The following ANKS1B variants were observed in gnomAD, a reference collection of about 807,000 sequenced individuals.
ANKS1B encodes the protein ankyrin repeat and sterile alpha motif domain-containing protein 1B.
In ANKS1B, 36 loss-of-function variants were observed where a neutral mutation model predicts 148.3. The ratio of observed to expected loss-of-function variants is 0.24; its 90% CI spans 0.19 to 0.32. ANKS1B has a LOEUF of 0.32. Among genes scored for constraint, ANKS1B ranks in the 10% least tolerant of loss-of-function variants. The pLI is 1.00. For missense variants in ANKS1B, 1,157 were observed against 1,542.6 expected, an observed-to-expected ratio of 0.75 and a Z score of 4.19; for synonymous variants, 542 against 560.8, an observed-to-expected ratio of 0.97 and a Z score of 0.47.
chr12:98,974,987 A>T (rs74999867), intron 17 of ANKS1B, among the ~76,000 whole-genome samples: 16,853 of 107,628 alleles, frequency 0.16, 2,234 homozygotes, highest in African/African-American at 0.38. Flanking sequence ...CCTCTCTCCT[A>T]CCCTTCTTCC....
At chr12:99,951,480 G>A (rs1270326396) in intron 1 of ANKS1B, among the ~76,000 whole-genome samples, 4 of 152,174 alleles carry the variant, frequency 2.6e-5, no homozygotes, top group African/African-American at 7.2e-5. Flanking sequence ...AGTCAGTCAG[G>A]CAGTTCTGCT....
At chr12:99,366,267 G>T (rs555526137) in intron 12 of ANKS1B, among the ~76,000 whole-genome samples, 2 of 152,180 alleles carry the variant, frequency 1.3e-5, no homozygotes, top group South Asian at 4.1e-4. Flanking sequence ...CTTTTTTATG[G>T]TTCCATTATT....
chr12:98,793,127 T>A (rs2098903232), intron 22 of ANKS1B, among the ~76,000 whole-genome samples: 1 of 152,232 alleles, frequency 6.6e-6, no homozygotes, highest in African/African-American at 2.4e-5. Flanking sequence ...CCAACATTTG[T>A]TATCTTTTGT....
At chr12:99,824,401 G>C (rs1481591881) in intron 2 of ANKS1B, among the ~76,000 whole-genome samples, 1 of 152,052 alleles carries the variant, frequency 6.6e-6, no homozygotes, top group African/African-American at 2.4e-5. Flanking sequence ...TCAGGAGGCA[G>C]AGGCAGGAGA....
intron 1 of ANKS1B, among the ~76,000 whole-genome samples, chr12:99,930,081 C>T (rs2094574597): frequency 6.6e-6 from 1 of 151,770 alleles, no homozygotes; most frequent in African/African-American, 2.4e-5. Context: ...CTATAAATTA[C>T]CTGGGGCCGT....
At chr12:98,740,699 C>T (rs558169380), downstream of ANKS1B, among the ~76,000 whole-genome samples, 1 of 152,334 alleles carries the variant, frequency 6.6e-6, no homozygotes, top group African/African-American at 2.4e-5. Context: ...CACTAACAAC[C>T]CCTGCATTGT....
chr12:98,809,561 C>T (rs868099180), intron 19 of ANKS1B, among the ~76,000 whole-genome samples: 1 of 152,112 alleles, frequency 6.6e-6, no homozygotes, highest in Non-Finnish European at 1.5e-5. Context: ...GGTGAAGTGG[C>T]TTGCTCAGGT....
chr12:99,836,301 A>T (rs960896809), intron 1 of ANKS1B, among the ~76,000 whole-genome samples: 1 of 152,098 alleles, frequency 6.6e-6, no homozygotes, highest in African/African-American at 2.4e-5. Context: ...AGTCACAAAC[A>T]ATTTCTTAAA....
At chr12:99,593,140 G>T (rs2097720487) in intron 9 of ANKS1B, among the ~76,000 whole-genome samples, 1 of 151,984 alleles carries the variant, frequency 6.6e-6, no homozygotes, top group African/African-American at 2.4e-5. Context: ...AGTATAATGA[G>T]GCACGTCCAT....
intron 10 of ANKS1B, among the ~76,000 whole-genome samples, chr12:99,477,766 GA>G (rs2096349391): frequency 6.6e-6 from 1 of 152,102 alleles, no homozygotes; most frequent in African/African-American, 2.4e-5. Flanking sequence ...TTTTGAGAGT[GA>G]AAAGGAGTGC....
intron 1 of ANKS1B, among the ~76,000 whole-genome samples, chr12:99,846,194 C>T (rs562672246): frequency 6.6e-6 from 1 of 152,130 alleles, no homozygotes; most frequent in East Asian, 1.9e-4. Context: ...AGCAGCTTTG[C>T]CTTTTAATTC....
intron 12 of ANKS1B, among the ~76,000 whole-genome samples, chr12:99,380,660 T>G (rs1003399092): frequency 6.6e-6 from 1 of 152,210 alleles, no homozygotes; most frequent in African/African-American, 2.4e-5. Flanking sequence ...TGTTGATATA[T>G]TGATTAGAAA....
At chr12:99,414,235 CTT>C (rs1202895684) in intron 11 of ANKS1B, among the ~76,000 whole-genome samples, 1 of 152,046 alleles carries the variant, frequency 6.6e-6, no homozygotes, top group African/African-American at 2.4e-5. Flanking sequence ...CCTACATAAA[CTT>C]TTCTTTTAAC....
chr12:99,231,009 C>CT, intron 14 of ANKS1B, among the ~76,000 whole-genome samples: 1 of 152,052 alleles, frequency 6.6e-6, no homozygotes, highest in Non-Finnish European at 1.5e-5. Context: ...TATAATATGC[C>CT]TGTTGCAAAG....
intron 17 of ANKS1B, among the ~76,000 whole-genome samples, chr12:99,014,158 G>C (rs1209039838): frequency 6.6e-6 from 1 of 152,042 alleles, no homozygotes; most frequent in Non-Finnish European, 1.5e-5. Flanking sequence ...CAGCATGGTA[G>C]TGACACAAAA....
At chr12:99,207,618 T>G (rs2082839788) in intron 14 of ANKS1B, among the ~76,000 whole-genome samples, 1 of 152,088 alleles carries the variant, frequency 6.6e-6, no homozygotes, top group South Asian at 2.1e-4. Context: ...ATTGCTTACT[T>G]CTTAAGATTC....
At chr12:99,875,620 T>C (rs911837643) in intron 1 of ANKS1B, among the ~76,000 whole-genome samples, 1 of 152,224 alleles carries the variant, frequency 6.6e-6, no homozygotes, top group Non-Finnish European at 1.5e-5. Flanking sequence ...ACAGAAGTGA[T>C]ATTACATAAT....
chr12:98,744,676 CTTCT>C lies in ANKS1B; in HGVS notation c.*1059_*1062del. ...GAAAAGTTTTATTACTTTGGAATTT[CTTCT>C]TTTTTTTTTTTGTATTTATTTTTTC... On this transcript the variant is annotated 3_prime_UTR_variant, in exon 27 of 27. Transcript: ENST00000683438. 7.6e-6 allele frequency: 7 copies of C among 917,112 alleles called. No homozygotes were observed. The highest frequency in any genetic ancestry group is 7.8e-6 in the Non-Finnish European group (6 of 772,026). The allele number at this position is 917,112 out of a possible 1,614,324, so 56.8% of individuals were successfully genotyped here.
chr12:99,031,666 A>G (rs1330199081), intron 17 of ANKS1B, among the ~76,000 whole-genome samples: 1 of 152,102 alleles, frequency 6.6e-6, no homozygotes, highest in Non-Finnish European at 1.5e-5. Context: ...TGCCATAGCC[A>G]CTCTGCAGTC....
Sources: gnomAD v4.1 joint callset for allele counts (sites outside exome capture counted in the v4.1 genomes callset) on GRCh38, gnomAD v4.1.1 for gene constraint, MANE v1.5 for transcripts, NCBI Gene and HGNC (gene_info 2026-07-23, HGNC 2026-07-21) for gene names.